The following RAP1GAP2 variants were observed in gnomAD, a reference collection of about 807,000 sequenced individuals.
The protein encoded by RAP1GAP2 is RAP1 GTPase activating protein 2.
In RAP1GAP2, 27 loss-of-function variants were observed where a neutral mutation model predicts 95.0. That is an observed-to-expected ratio of 0.28 (90% CI 0.21 to 0.39). RAP1GAP2 has a LOEUF of 0.39. Among genes scored for constraint, RAP1GAP2 ranks in the 10% least tolerant of loss-of-function variants. RAP1GAP2 has a pLI of 1.00. For missense variants in RAP1GAP2, 771 were observed against 970.0 expected, an observed-to-expected ratio of 0.79 and a Z score of 2.72; for synonymous variants, 373 against 380.9, an observed-to-expected ratio of 0.98 and a Z score of 0.24.
Position 2,853,419 on chromosome 17 carries a change from C to T in RAP1GAP2, c.81-51865C>T, listed in dbSNP as rs1261315004. On this transcript the variant is annotated intron_variant, in intron 2 of 24. Transcript: ENST00000254695. ...GCAGTGACAGCATCGGGGAAGTATC[C>T]GGGGCCGGGCCGGGGAGGGCGGCAG... is the stretch of plus-strand genomic sequence containing the variant. Among the ~76,000 whole-genome samples, 5 of 151,870 alleles carry T rather than the reference C, an allele frequency of 3.3e-5. No homozygotes were observed. The East Asian group carries it at 7.8e-4, about 24-fold the overall frequency.
At chr17:2,800,669 G>A in intron 2 of RAP1GAP2, 119 bp downstream of exon 2, 2 of 1,090,144 alleles carry the variant, frequency 1.8e-6, no homozygotes, top group Non-Finnish European at 2.7e-6. Context: ...TCAGATTCCA[G>A]TCCGAGTCCA....
At chr17:2,849,670 C>T (rs1028308538) in intron 2 of RAP1GAP2, among the ~76,000 whole-genome samples, 7 of 152,192 alleles carry the variant, frequency 4.6e-5, no homozygotes, top group Admixed American at 3.9e-4. Context: ...TGGCAGCTGC[C>T]GGGCACTTTG....
intron 2 of RAP1GAP2, among the ~76,000 whole-genome samples, chr17:2,888,976 T>C (rs1458032716): frequency 6.6e-6 from 1 of 152,128 alleles, no homozygotes; most frequent in Non-Finnish European, 1.5e-5. Context: ...CCACCTTTTC[T>C]TTGTACATTC....
intron 3 of RAP1GAP2, among the ~76,000 whole-genome samples, chr17:2,942,981 C>A (rs774303284): frequency 1.1e-4 from 17 of 152,034 alleles, no homozygotes; most frequent in East Asian, 3.9e-4. Flanking sequence ...GTTGGTCAGG[C>A]TGGTCTTGAA....
chr17:3,034,312 A>G lies in RAP1GAP2; in HGVS notation c.*951A>G. ...TTGGTTGAGGAAAACCTCGGGCCTG[A>G]GGGCCAGGCCGGAGCCCAGGTCTCT... On this transcript the variant is annotated 3_prime_UTR_variant, in exon 25 of 25. Coordinates refer to ENST00000254695, the MANE Select transcript of RAP1GAP2 (RefSeq NM_015085.5). The surrounding 1 kb of genome is among the most constrained non-coding windows in gnomAD (Gnocchi z 5.1). 5.3e-6 allele frequency: 1 copy of G among 188,448 alleles called. No individual in the cohort carries two copies. The highest frequency in any genetic ancestry group is 1.2e-5 in the Non-Finnish European group (1 of 86,516). 11.7% of individuals were successfully genotyped at this position (188,448 alleles called of 1,614,324 possible).
At chr17:2,955,056 T>C (rs2044061782) in intron 3 of RAP1GAP2, among the ~76,000 whole-genome samples, 1 of 152,234 alleles carries the variant, frequency 6.6e-6, no homozygotes, top group Non-Finnish European at 1.5e-5. Flanking sequence ...TACCCACCGT[T>C]TGGCAAGAGT....
At chr17:2,773,007 C>T (rs1451061559), upstream of RAP1GAP2, among the ~76,000 whole-genome samples, 3 of 151,956 alleles carry the variant, frequency 2.0e-5, no homozygotes, top group South Asian at 2.1e-4. Context: ...TACAGGCATG[C>T]GTCACCACAC....
rs1181292635 is a variant in RAP1GAP2, at chr17:3,004,105, C to T, written c.1201-1264C>T. Reference sequence around the variant, plus strand: ...GTCTCCCCATAGCCTTCCCACACCCCCACCCCTGATTCTGGCTCTGTGACT... The same window carrying T: ...GTCTCCCCATAGCCTTCCCACACCCTCACCCCTGATTCTGGCTCTGTGACT... On this transcript the variant is annotated intron_variant, in intron 14 of 24. Coordinates refer to ENST00000254695, the MANE Select transcript of RAP1GAP2 (RefSeq NM_015085.5). The surrounding 1 kb of genome is among the most constrained non-coding windows in gnomAD (Gnocchi z 4.1). Among the ~76,000 whole-genome samples the T allele has an allele frequency of 6.6e-6, 1 of 152,164 alleles. No homozygotes were observed. The highest frequency in any genetic ancestry group is 1.5e-5 in the Non-Finnish European group (1 of 68,028).
intron 1 of RAP1GAP2, among the ~76,000 whole-genome samples, chr17:2,766,330 G>A (rs948915389): frequency 6.6e-6 from 1 of 152,132 alleles, no homozygotes; most frequent in Non-Finnish European, 1.5e-5. Flanking sequence ...CTTTGGGAGG[G>A]AGAGAGGTCT....
chr17:2,887,203 ATG>A (rs1435269638), intron 2 of RAP1GAP2, among the ~76,000 whole-genome samples: 4 of 150,936 alleles, frequency 2.7e-5, no homozygotes, highest in East Asian at 3.9e-4. Flanking sequence ...GACTACAGGC[ATG>A]CACCAACACG....
chr17:2,815,341 G>C (rs1597361896), intron 2 of RAP1GAP2, among the ~76,000 whole-genome samples: 1 of 152,120 alleles, frequency 6.6e-6, no homozygotes, highest in Non-Finnish European at 1.5e-5. Context: ...GATAATAACA[G>C]TACCTGCACG....
intron 4 of RAP1GAP2, among the ~76,000 whole-genome samples, chr17:2,961,691 A>G (rs372194474): frequency 1.2e-4 from 19 of 152,284 alleles, no homozygotes; most frequent in South Asian, 6.2e-4. Context: ...CTCATTTTAC[A>G]GATGACACTG....
intron 1 of RAP1GAP2, among the ~76,000 whole-genome samples, chr17:2,778,711 C>T (rs1388330688): frequency 1.3e-5 from 2 of 152,158 alleles, no homozygotes; most frequent in South Asian, 2.1e-4. Flanking sequence ...ACTGCTGTGG[C>T]CGCACCTGCA....
At chr17:2,843,583 G>A (rs1207251616) in intron 2 of RAP1GAP2, among the ~76,000 whole-genome samples, 4 of 151,890 alleles carry the variant, frequency 2.6e-5, no homozygotes, top group Non-Finnish European at 4.4e-5. Flanking sequence ...CACCGTGCCC[G>A]GCCCAATTTC....
chr17:2,813,038 A>C lies in RAP1GAP2; in HGVS notation c.80+12488A>C, dbSNP rs78092224. The stretch of plus-strand genomic sequence containing the variant: ...GCCCAGGTTGTACCCAGTTCCAATT[A>C]AATCTGAATGTCGGAGGGTAGAACC... On this transcript the variant is annotated intron_variant, in intron 2 of 24. Coordinates refer to ENST00000254695, the MANE Select transcript of RAP1GAP2 (RefSeq NM_015085.5). Among the ~76,000 whole-genome samples the C allele has an allele frequency of 4.4e-3, 670 of 151,628 alleles. 4 individuals are homozygous for C. Among genetic ancestry groups the C allele is most frequent in the African/African-American group, 0.015 (632 of 41,428 alleles).
At chr17:3,013,074 G>A (rs901851839) in intron 17 of RAP1GAP2, among the ~76,000 whole-genome samples, 7 of 152,206 alleles carry the variant, frequency 4.6e-5, no homozygotes, top group South Asian at 2.1e-4. Context: ...ACCCGGGACC[G>A]TGGCAAGCTG....
intron 1 of RAP1GAP2, among the ~76,000 whole-genome samples, chr17:2,784,708 G>A (rs1347737572): frequency 6.6e-6 from 1 of 152,240 alleles, no homozygotes; most frequent in African/African-American, 2.4e-5. Context: ...GCCCTGCTGA[G>A]GGTGGGGCCC....
chr17:2,847,253 C>T (rs1200055941), intron 2 of RAP1GAP2, among the ~76,000 whole-genome samples: 5 of 152,148 alleles, frequency 3.3e-5, no homozygotes, highest in African/African-American at 7.2e-5. Flanking sequence ...GTGATCCACC[C>T]GCCTCAGCCT....
At chr17:2,800,305 C>A in intron 1 of RAP1GAP2, 1 of 876,994 alleles carries the variant, frequency 1.1e-6, no homozygotes, top group Non-Finnish European at 1.4e-6. Context: ...AATAATAATA[C>A]GCATGTTGTA....
Sources: gnomAD v4.1 joint callset for allele counts (sites outside exome capture counted in the v4.1 genomes callset) on GRCh38, gnomAD v4.1.1 for gene constraint, Gnocchi (gnomAD v3.1) non-coding constraint, MANE v1.5 for transcripts, NCBI Gene and HGNC (gene_info 2026-07-23, HGNC 2026-07-21) for gene names.